Variants in CYP2C19 observed in about 807,000 individuals in gnomAD.
CYP2C19 encodes the protein cytochrome P450 family 2 subfamily C member 19, also known as cytochrome P450 2C19.
In CYP2C19, 59 loss-of-function variants were observed where a neutral mutation model predicts 40.9. The ratio of observed to expected loss-of-function variants is 1.44; its 90% CI spans 1.17 to 1.79. The LOEUF is 1.79. CYP2C19 is among the 40% of genes most tolerant of loss of function. The probability of loss-of-function intolerance (pLI) is 0.00; values close to 1 mark genes in which losing one functional copy is unlikely to be tolerated. For missense variants in CYP2C19, 754 were observed against 596.9 expected (o/e 1.26, Z -2.74); for synonymous variants, 253 against 208.7 (o/e 1.21, Z -1.83).
chr10:94,830,773 A>G (rs546089249), intron 6 of CYP2C19, among the ~76,000 whole-genome samples: 3 of 152,096 alleles, frequency 2.0e-5, no homozygotes, highest in Middle Eastern at 3.4e-3. Context: ...TTTTATATTT[A>G]TGGGTACAGA....
chr10:94,836,625 C>T (rs1214608464), intron 6 of CYP2C19, among the ~76,000 whole-genome samples: 1 of 152,172 alleles, frequency 6.6e-6, no homozygotes, highest in Non-Finnish European at 1.5e-5. Flanking sequence ...CCAAGGAACC[C>T]TCTTAGTTGC....
At chr10:94,840,806 A>G (rs1441241970) in intron 6 of CYP2C19, among the ~76,000 whole-genome samples, 2 of 151,988 alleles carry the variant, frequency 1.3e-5, no homozygotes, top group African/African-American at 4.8e-5. Flanking sequence ...CAACATTCCC[A>G]ATAGAAGGGT....
At chr10:94,799,550 C>T (rs1479891032) in intron 5 of CYP2C19, among the ~76,000 whole-genome samples, 1 of 152,092 alleles carries the variant, frequency 6.6e-6, no homozygotes, top group Non-Finnish European at 1.5e-5. Context: ...TGTTGGCCTG[C>T]CTTGCTAGGT....
At chr10:94,836,121 A>C (rs1849399802) in intron 6 of CYP2C19, among the ~76,000 whole-genome samples, 1 of 152,216 alleles carries the variant, frequency 6.6e-6, no homozygotes, top group African/African-American at 2.4e-5. Context: ...CTGGCTCTTC[A>C]AGTAATAGAG....
intron 5 of CYP2C19, among the ~76,000 whole-genome samples, chr10:94,810,242 C>G (rs754771539): frequency 1.3e-5 from 2 of 152,166 alleles, no homozygotes; most frequent in Non-Finnish European, 2.9e-5. Flanking sequence ...CCAACTTGAT[C>G]GTGGTGGATA....
intron 1 of CYP2C19, 73 bp downstream of exon 1, chr10:94,762,946 T>A: frequency 7.0e-7 from 1 of 1,430,450 alleles, no homozygotes; most frequent in Non-Finnish European, 9.8e-7. Flanking sequence ...AGTATATCCC[T>A]AGAGGTACAA....
At chr10:94,834,993 A>T (rs561856690) in intron 6 of CYP2C19, among the ~76,000 whole-genome samples, 13 of 152,198 alleles carry the variant, frequency 8.5e-5, no homozygotes, top group Middle Eastern at 3.4e-3. Context: ...GGGGTGGTGC[A>T]GTTGAGATTT....
intron 1 of CYP2C19, among the ~76,000 whole-genome samples, chr10:94,765,918 G>T (rs866372677): frequency 9.2e-5 from 14 of 152,178 alleles, no homozygotes; most frequent in African/African-American, 3.4e-4. Flanking sequence ...ACAGGGGCTT[G>T]GAAAGTTAAG....
At chr10:94,821,098 G>A (rs1564676100) in intron 6 of CYP2C19, among the ~76,000 whole-genome samples, 1 of 151,858 alleles carries the variant, frequency 6.6e-6, no homozygotes, top group East Asian at 1.9e-4. Context: ...AGAAAAAAAA[G>A]GAAAAGAAAA....
At chr10:94,818,376 C>A (rs928696458) in intron 5 of CYP2C19, among the ~76,000 whole-genome samples, 2 of 151,848 alleles carry the variant, frequency 1.3e-5, no homozygotes, top group Non-Finnish European at 2.9e-5. Context: ...GATGCGGGCT[C>A]TTTTTTGGTT....
intron 5 of CYP2C19, among the ~76,000 whole-genome samples, chr10:94,817,121 A>T (rs940930941): frequency 3.8e-4 from 56 of 147,032 alleles, no homozygotes; most frequent in African/African-American, 1.3e-3. Flanking sequence ...GTCAAATGGT[A>T]TTTCTAATTC....
intron 6 of CYP2C19, among the ~76,000 whole-genome samples, chr10:94,827,038 T>C (rs1418624467): frequency 6.6e-6 from 1 of 152,128 alleles, no homozygotes; most frequent in Non-Finnish European, 1.5e-5. Context: ...GATAAGCTTT[T>C]TGATGTGCTG....
At chr10:94,800,757 G>A (rs149947213) in intron 5 of CYP2C19, among the ~76,000 whole-genome samples, 33 of 152,246 alleles carry the variant, frequency 2.2e-4, no homozygotes, top group East Asian at 1.9e-3. Flanking sequence ...GGCTGCAGCC[G>A]CGCAAGTTGA....
At chr10:94,799,491 C>G (rs1245602770) in intron 5 of CYP2C19, among the ~76,000 whole-genome samples, 2 of 152,060 alleles carry the variant, frequency 1.3e-5, no homozygotes, top group Non-Finnish European at 2.9e-5. Context: ...TGGGGTTGCT[C>G]TTCTCGAGGA....
chr10:94,818,997 C>T (rs1207111161), intron 5 of CYP2C19, among the ~76,000 whole-genome samples: 4 of 150,346 alleles, frequency 2.7e-5, no homozygotes, highest in African/African-American at 9.8e-5. Context: ...AAGTAAAGCT[C>T]TCCTCAGCAA....
chr10:94,818,751 A>T (rs556474990), intron 5 of CYP2C19, among the ~76,000 whole-genome samples: 432 of 149,294 alleles, frequency 2.9e-3, no homozygotes, highest in Non-Finnish European at 4.7e-3. Context: ...GTATCCTGAG[A>T]CTTTGCTGAA....
intron 4 of CYP2C19, among the ~76,000 whole-genome samples, chr10:94,781,010 C>T (rs1194648373): frequency 1.3e-5 from 2 of 152,220 alleles, no homozygotes; most frequent in East Asian, 3.9e-4. Flanking sequence ...ACTCACAAGG[C>T]TTGTCCTTCA....
intron 1 of CYP2C19, among the ~76,000 whole-genome samples, chr10:94,770,710 G>A (rs1191318186): frequency 6.6e-6 from 1 of 152,118 alleles, no homozygotes; most frequent in Non-Finnish European, 1.5e-5. Context: ...CTCGAGGAAA[G>A]CAGAAGGATT....
intron 6 of CYP2C19, among the ~76,000 whole-genome samples, chr10:94,837,342 G>A (rs1211922290): frequency 6.6e-6 from 1 of 152,222 alleles, no homozygotes; most frequent in Non-Finnish European, 1.5e-5. Flanking sequence ...AGGGAAAGGA[G>A]GTGGAGTCCT....
Sources: gnomAD v4.1 joint callset for allele counts (sites outside exome capture counted in the v4.1 genomes callset) on GRCh38, gnomAD v4.1.1 for gene constraint, MANE v1.5 for transcripts, NCBI Gene and HGNC (gene_info 2026-07-23, HGNC 2026-07-21) for gene names.